Variants in CEP112 observed in about 807,000 individuals in gnomAD.
CEP112 encodes the protein centrosomal protein of 112 kDa.
A neutral mutation model predicts 153.0 loss-of-function variants in CEP112; 127 were observed. The ratio of observed to expected loss-of-function variants is 0.83; its 90% CI spans 0.72 to 0.96. CEP112 has a LOEUF of 0.96. Ranked by LOEUF, CEP112 falls within the 40% of genes least tolerant of loss-of-function variation. CEP112 has a pLI of 0.00. For synonymous variants in CEP112, 358 were observed against 374.4 expected (o/e 0.96, Z 0.51); for missense variants, 1,089 against 1,101.2 (o/e 0.99, Z 0.16).
At chr17:65,798,110 A>C (rs2055045198) in intron 21 of CEP112, among the ~76,000 whole-genome samples, 2 of 152,090 alleles carry the variant, frequency 1.3e-5, no homozygotes, top group South Asian at 4.2e-4. Flanking sequence ...CTGGAATCCC[A>C]CTGGTTTTCC....
chr17:65,839,667 G>A (rs1176338968), intron 21 of CEP112, among the ~76,000 whole-genome samples: 1 of 151,946 alleles, frequency 6.6e-6, no homozygotes, highest in African/African-American at 2.4e-5. Flanking sequence ...GGGAGTCCTA[G>A]TCAGAGCAAT....
intron 18 of CEP112, among the ~76,000 whole-genome samples, chr17:65,957,218 T>C (rs2062031534): frequency 6.6e-6 from 1 of 152,192 alleles, no homozygotes; most frequent in Non-Finnish European, 1.5e-5. Flanking sequence ...AATGGAAACA[T>C]ATATCTACAA....
intron 8 of CEP112, among the ~76,000 whole-genome samples, chr17:66,089,681 G>A (rs1042674779): frequency 7.9e-5 from 12 of 152,186 alleles, no homozygotes; most frequent in African/African-American, 4.8e-5. Context: ...TTTACAGGAC[G>A]TATGGGACAG....
At chr17:65,732,891 A>G (rs2050590762) in intron 23 of CEP112, among the ~76,000 whole-genome samples, 1 of 152,212 alleles carries the variant, frequency 6.6e-6, no homozygotes, top group South Asian at 2.1e-4. Context: ...AATTTTCTCC[A>G]TATCACCACA....
chr17:65,832,937 C>T (rs990063090), intron 21 of CEP112, among the ~76,000 whole-genome samples: 6 of 152,122 alleles, frequency 3.9e-5, no homozygotes, highest in Non-Finnish European at 5.9e-5. Context: ...ACTTGATGAA[C>T]ATTGTTGCAA....
chr17:65,869,004 C>T (rs940346469), intron 20 of CEP112, among the ~76,000 whole-genome samples: 77 of 152,130 alleles, frequency 5.1e-4, no homozygotes, highest in Admixed American at 9.2e-4. Context: ...TAGCTGGTAA[C>T]AGTAGAAAAG....
intron 21 of CEP112, among the ~76,000 whole-genome samples, chr17:65,846,868 T>G (rs975617024): frequency 1.3e-4 from 20 of 152,226 alleles, no homozygotes; most frequent in African/African-American, 4.3e-4. Flanking sequence ...GAGTGCTTAC[T>G]GTGTGTAAGG....
Position 65,970,522 on chromosome 17 carries a change from A to G in CEP112, c.1737-8924T>C, listed in dbSNP as rs1223832436. Among the ~76,000 whole-genome samples the G allele has an allele frequency of 1.3e-5, 2 of 151,790 alleles. 1 individual carries two copies. Among genetic ancestry groups the G allele is most frequent in the Non-Finnish European group, 2.9e-5 (2 of 67,928 alleles). On this transcript the variant is annotated intron_variant, in intron 17 of 26. Coordinates refer to ENST00000535342, the MANE Select transcript of CEP112 (RefSeq NM_001199165.4). ...TGCATATTATATGCATGCATATTAA[A>G]TACATGTATAACACATGAATATTAC...
intron 23 of CEP112, among the ~76,000 whole-genome samples, chr17:65,731,899 T>C (rs1266413453): frequency 6.6e-6 from 1 of 152,220 alleles, no homozygotes; most frequent in Non-Finnish European, 1.5e-5. Flanking sequence ...CTCTTGCTAT[T>C]CTACCACATC....
intron 20 of CEP112, among the ~76,000 whole-genome samples, chr17:65,900,592 T>A (rs981548112): frequency 6.6e-6 from 1 of 152,142 alleles, no homozygotes; most frequent in African/African-American, 2.4e-5. Flanking sequence ...AATAGGAAGT[T>A]ATGCAAATTA....
At chr17:66,157,890 A>G (rs1465442076) in intron 4 of CEP112, among the ~76,000 whole-genome samples, 1 of 152,176 alleles carries the variant, frequency 6.6e-6, no homozygotes, top group East Asian at 1.9e-4. Flanking sequence ...TCATAAAGCA[A>G]GTTTTTAGAG....
intron 18 of CEP112, among the ~76,000 whole-genome samples, chr17:65,959,971 C>G (rs2062141037): frequency 6.6e-6 from 1 of 152,150 alleles, no homozygotes; most frequent in South Asian, 2.1e-4. Context: ...CCACTAGCCA[C>G]AGAGGTTTCT....
intron 4 of CEP112, among the ~76,000 whole-genome samples, chr17:66,147,845 T>C (rs749753931): frequency 2.0e-5 from 3 of 152,232 alleles, no homozygotes; most frequent in Non-Finnish European, 2.9e-5. Flanking sequence ...TTCTGGGCTA[T>C]TGTATTCCAT....
intron 24 of CEP112, among the ~76,000 whole-genome samples, chr17:65,686,487 T>A (rs2047798411): frequency 2.0e-5 from 3 of 152,250 alleles, no homozygotes; most frequent in Admixed American, 1.3e-4. Flanking sequence ...AGTTTTACCT[T>A]AAGTCATATT....
At chr17:65,930,413 G>A (rs2061079177) in intron 18 of CEP112, among the ~76,000 whole-genome samples, 1 of 152,186 alleles carries the variant, frequency 6.6e-6, no homozygotes, top group Non-Finnish European at 1.5e-5. Context: ...ACCCACTACT[G>A]TGTCTAACAC....
At position 66,175,064 on chromosome 17, in the gene CEP112, C is replaced by T; in HGVS notation, c.450G>A (p.Gln150=). 4 of 1,602,804 alleles carry T rather than the reference C, an allele frequency of 2.5e-6. No individual in the cohort carries two copies. The highest frequency in any genetic ancestry group is 1.1e-5 in the South Asian group (1 of 88,898). Residue 150 remains glutamine, a synonymous_variant, in exon 4 of 27, where the codon CAG becomes CAA. Coordinates refer to ENST00000535342, the MANE Select transcript of CEP112 (RefSeq NM_001199165.4). ...CATACCTGTAGACATCAGTTGGCGA[C>T]TGTACTAAAGTGTTATCTTCTCCAG... ...LSSGEDNTLV[Q]SPTDVYSREQ... is the part of the protein sequence containing the mutation.
chr17:65,915,793 A>C (rs2060457375), intron 19 of CEP112, among the ~76,000 whole-genome samples: 1 of 151,250 alleles, frequency 6.6e-6, no homozygotes, highest in South Asian at 2.1e-4. Context: ...AACTCAAAAA[A>C]AAAAAAAAAA....
At chr17:66,182,942 G>A (rs1411327562) in intron 2 of CEP112, among the ~76,000 whole-genome samples, 1 of 152,184 alleles carries the variant, frequency 6.6e-6, no homozygotes, top group East Asian at 1.9e-4. Context: ...TAACTTTAGA[G>A]ATCCATGTGC....
intron 20 of CEP112, among the ~76,000 whole-genome samples, chr17:65,891,485 C>T (rs562760312): frequency 6.6e-6 from 1 of 152,262 alleles, no homozygotes; most frequent in South Asian, 2.1e-4. Flanking sequence ...ATCTATACAG[C>T]TGCTCAAACC....
Sources: gnomAD v4.1 joint callset for allele counts (sites outside exome capture counted in the v4.1 genomes callset) on GRCh38, gnomAD v4.1.1 for gene constraint, MANE v1.5 for transcripts, NCBI Gene and HGNC (gene_info 2026-07-23, HGNC 2026-07-21) for gene names.